PLOD2: variants seen among roughly 807,000 people sequenced by gnomAD.
PLOD2 encodes the protein lysine hydroxylase 2.
A neutral mutation model predicts 101.0 loss-of-function variants in PLOD2; 65 were observed. The ratio of observed to expected loss-of-function variants is 0.64; its 90% CI spans 0.53 to 0.79. The LOEUF (loss-of-function observed/expected upper bound fraction) is 0.79, where lower values mean the gene tolerates loss of function less well. Among genes scored for constraint, PLOD2 ranks in the 30% least tolerant of loss-of-function variants. The probability of loss-of-function intolerance (pLI) is 0.00; values close to 1 mark genes in which losing one functional copy is unlikely to be tolerated. For synonymous variants in PLOD2, 314 were observed against 302.9 expected (o/e 1.04, Z -0.38); for missense variants, 909 against 914.6 (o/e 0.99, Z 0.08).
At chr3:146,139,853 T>C (rs1476952632) in intron 1 of PLOD2, among the ~76,000 whole-genome samples, 1 of 152,108 alleles carries the variant, frequency 6.6e-6, no homozygotes, top group African/African-American at 2.4e-5. Flanking sequence ...TGTTGAAGAA[T>C]GTCACTGTGG....
intron 1 of PLOD2, among the ~76,000 whole-genome samples, chr3:146,147,150 G>T (rs2031819657): frequency 6.6e-6 from 1 of 152,106 alleles, no homozygotes; most frequent in African/African-American, 2.4e-5. Flanking sequence ...TTAAATCACA[G>T]ATTATATATT....
chr3:146,087,300 T>C (rs1236494728), intron 9 of PLOD2, among the ~76,000 whole-genome samples: 2 of 151,910 alleles, frequency 1.3e-5, no homozygotes, highest in Admixed American at 1.3e-4. Context: ...TGTTGTGAAA[T>C]ATCTAGAAAA....
At chr3:146,149,227 A>C (rs545420275) in intron 1 of PLOD2, among the ~76,000 whole-genome samples, 1 of 152,218 alleles carries the variant, frequency 6.6e-6, no homozygotes, top group African/African-American at 2.4e-5. Context: ...ACTGAATAGG[A>C]CTCTTTTTCG....
chr3:146,139,585 A>C (rs1455085045), intron 1 of PLOD2, among the ~76,000 whole-genome samples: 1 of 152,160 alleles, frequency 6.6e-6, no homozygotes, highest in Admixed American at 6.6e-5. Flanking sequence ...ATAATAATGC[A>C]GCTCATCCTA....
chr3:146,088,322 A>G (rs1198545376), intron 9 of PLOD2, among the ~76,000 whole-genome samples: 1 of 151,656 alleles, frequency 6.6e-6, no homozygotes, highest in Non-Finnish European at 1.5e-5. Flanking sequence ...TTGATTATAT[A>G]TTAATTTAAG....
At position 146,070,736 on chromosome 3, in the gene PLOD2, A is replaced by G; in HGVS notation, c.2258T>C (p.Val753Ala). 1 of 1,606,808 alleles carries G rather than the reference A, an allele frequency of 6.2e-7. No individual in the cohort carries two copies. The highest frequency in any genetic ancestry group is 8.5e-7 in the Non-Finnish European group (1 of 1,174,200). The change falls in exon 20 of 20, where the codon GTG (valine) becomes GCG (alanine). Residue 753 changes from valine to alanine, a missense_variant. By Grantham distance (64) the Val-to-Ala change is moderately conservative (BLOSUM62 0). Transcript: ENST00000282903. ...PVKNGTRYIA[V>A]SFIDP ...AATAACTTAGGGATCTATAAATGAC[A>G]CTGCAATGTATCTTGTTCCATTTTT...
In PLOD2 at chr3:146,095,935, G is replaced by A. The variant is rs1466229451; in HGVS notation, c.778-4034C>T. Among the ~76,000 whole-genome samples, 57 of 108,708 alleles carry A rather than the reference G, an allele frequency of 5.2e-4. 1 individual carries two copies. Among genetic ancestry groups the A allele is most frequent in the African/African-American group, 1.9e-3 (55 of 28,716 alleles). 71.3% of individuals were successfully genotyped at this position (108,708 alleles called of 152,430 possible). ...CCCTCCACAGTCTCCCTCTGATGCC[G>A]AGCCAAAGCTGGACGGTACTGCTGC... On this transcript the variant is annotated intron_variant, in intron 7 of 19. Transcript: ENST00000282903.
At position 146,124,637 on chromosome 3, in the gene PLOD2, T is replaced by C. The variant is rs959267211; in HGVS notation, c.110-408A>G. On this transcript the variant is annotated intron_variant, in intron 1 of 19. Coordinates refer to ENST00000282903, the MANE Select transcript of PLOD2 (RefSeq NM_182943.3). ...ATCACCAGTGAGGAGATCAGCAAAT[T>C]ACATTCATCAAAATAATGACATACA... 2.8e-5 allele frequency among the ~76,000 whole-genome samples: 4 copies of C among 144,680 alleles called. No homozygotes were observed. In the East Asian group the frequency reaches 8.2e-4, roughly 30 times the overall value. The allele number at this position is 144,680 out of a possible 152,430, so 94.9% of individuals were successfully genotyped here.
At chr3:146,123,744 T>C (rs1211830118) in intron 2 of PLOD2, among the ~76,000 whole-genome samples, 4 of 111,322 alleles carry the variant, frequency 3.6e-5, no homozygotes, top group African/African-American at 1.4e-4. Context: ...TGCAAATACA[T>C]ATTAACTTTT....
intron 1 of PLOD2, among the ~76,000 whole-genome samples, chr3:146,124,663 CA>C (rs59678035): frequency 0.78 from 117,895 of 151,710 alleles, 45,866 homozygotes; most frequent in East Asian, 0.82. Flanking sequence ...ATGACATACA[CA>C]AAAAAAACAG....
At chr3:146,085,367 T>C (rs1471993817) in intron 10 of PLOD2, 94 bp from the exon 11 acceptor site, 2 of 723,506 alleles carry the variant, frequency 2.8e-6, no homozygotes, top group Non-Finnish European at 5.1e-6. Flanking sequence ...ATGTAAAATA[T>C]GGTTCTCTAG....
intron 1 of PLOD2, among the ~76,000 whole-genome samples, chr3:146,155,693 C>T (rs1224267197): frequency 6.7e-5 from 9 of 135,194 alleles, no homozygotes; most frequent in South Asian, 2.3e-4. Context: ...CCAGCCTGGG[C>T]GACAGAACGA....
At chr3:146,084,897 T>G (rs1936700921) in intron 11 of PLOD2, among the ~76,000 whole-genome samples, 1 of 152,140 alleles carries the variant, frequency 6.6e-6, no homozygotes, top group African/African-American at 2.4e-5. Context: ...TAGTATCAGA[T>G]GTATCATAAT....
Position 146,079,184 on chromosome 3 carries a change from C to G in PLOD2, c.1432G>C (p.Glu478Gln), listed in dbSNP as rs775229060. 1.9e-6 allele frequency: 3 copies of G among 1,611,592 alleles called. No individual in the cohort carries two copies. The South Asian group carries it at 3.3e-5, about 18-fold the overall frequency. Reference protein sequence around the residue: ...KGKTLRSEMNERNYFVRDKLD... With the variant: ...KGKTLRSEMNQRNYFVRDKLD... Reference sequence around the variant, plus strand: ...TTATCACGAACAAAATAGTTCCTTTCATTCATCTCTGATCGGAGTGTCTTT... The same window carrying G: ...TTATCACGAACAAAATAGTTCCTTTGATTCATCTCTGATCGGAGTGTCTTT... Residue 478 changes from glutamate (E) to glutamine (Q), a missense_variant, in exon 13 of 20, where the codon GAA becomes CAA. Glu to Gln is a conservative substitution (Grantham distance 29). Transcript: ENST00000282903.
chr3:146,131,710 A>T (rs1295349284), intron 1 of PLOD2, among the ~76,000 whole-genome samples: 1 of 152,206 alleles, frequency 6.6e-6, no homozygotes, highest in Admixed American at 6.5e-5. Flanking sequence ...ACAACTCGGG[A>T]TTCACAGTTA....
At position 146,077,919 on chromosome 3, in the gene PLOD2, T is replaced by A. The variant is rs1397333041; in HGVS notation, c.1506A>T (p.Leu502Phe). ...GAGTAGGGGAGTCTTTTTCCCTTTG[T>A]AAAGTCTAAAATGAAGAGAAGCATT... ...ALCRNAREMTLQREKDSPTPE... is the reference protein window; with the variant it reads ...ALCRNAREMTFQREKDSPTPE... Residue 502 changes from leucine (L) to phenylalanine (F), a missense_variant, in exon 14 of 20, where the codon TTA becomes TTT. Coordinates refer to ENST00000282903, the MANE Select transcript of PLOD2 (RefSeq NM_182943.3). The A allele has an allele frequency of 3.1e-6, 5 of 1,588,716 alleles. No individual in the cohort carries two copies. Among genetic ancestry groups the A allele is most frequent in the Non-Finnish European group, 4.3e-6 (5 of 1,157,336 alleles).
chr3:146,083,577 C>CTTTCTTTCTT (rs1936644092), intron 11 of PLOD2, among the ~76,000 whole-genome samples: 1 of 75,792 alleles, frequency 1.3e-5, no homozygotes, highest in African/African-American at 5.2e-5. Context: ...AAGTCTTTTT[C>CTTTCTTTCTT]TTTTTTTTTT....
At chr3:146,123,937 G>C (rs765781616) in intron 2 of PLOD2, among the ~76,000 whole-genome samples, 1 of 151,898 alleles carries the variant, frequency 6.6e-6, no homozygotes, top group Non-Finnish European at 1.5e-5. Flanking sequence ...AGAATACTTT[G>C]GCTATCCCCT....
intron 4 of PLOD2, among the ~76,000 whole-genome samples, chr3:146,109,636 T>A (rs545689200): frequency 6.6e-6 from 1 of 152,338 alleles, no homozygotes; most frequent in African/African-American, 2.4e-5. Flanking sequence ...TATGTTTACA[T>A]TAATCTCAAA....
Sources: allele counts gnomAD v4.1 joint callset (sites outside exome capture counted in the v4.1 genomes callset), GRCh38; gene constraint gnomAD v4.1.1; transcripts MANE v1.5; gene names NCBI Gene and HGNC (gene_info 2026-07-23, HGNC 2026-07-21).